PGM5: variants seen among roughly 807,000 people sequenced by gnomAD.
PGM5 encodes the protein phosphoglucomutase-like protein 5.
Under a neutral mutation model 59.2 loss-of-function variants are expected in PGM5, and 23 were observed. The ratio of observed to expected loss-of-function variants is 0.39; its 90% CI spans 0.28 to 0.55. The LOEUF (loss-of-function observed/expected upper bound fraction) is 0.55. Ranked by LOEUF, PGM5 falls within the 20% of genes least tolerant of loss-of-function variation. The pLI, the probability that PGM5 is intolerant of heterozygous loss-of-function variation, is 0.66. For synonymous variants in PGM5, 214 were observed against 286.0 expected, an observed-to-expected ratio of 0.75 and a Z score of 2.54; for missense variants, 574 against 748.3, an observed-to-expected ratio of 0.77 and a Z score of 2.72.
intron 7 of PGM5, among the ~76,000 whole-genome samples, chr9:68,478,787 A>G: frequency 6.6e-6 from 1 of 152,094 alleles, no homozygotes. Flanking sequence ...AGATAATCTC[A>G]CCTCAAGATT....
intron 7 of PGM5, among the ~76,000 whole-genome samples, chr9:68,470,620 C>A (rs1435877848): frequency 3.9e-5 from 6 of 152,180 alleles, no homozygotes; most frequent in Non-Finnish European, 7.3e-5. Flanking sequence ...TGGTTATTCC[C>A]TCTACATTTG....
chr9:68,480,559 G>C lies in PGM5; in HGVS notation c.1295+1006G>C, dbSNP rs192454473. On this transcript the variant is annotated intron_variant, in intron 8 of 10. Transcript: ENST00000396396. ...GTCTCTACTAAAAATACAAAAATTA[G>C]CTGGGTTTGGTGGTGCACACCTGTA... Among the ~76,000 whole-genome samples the C allele has an allele frequency of 2.6e-5, 4 of 152,184 alleles. No individual in the cohort carries two copies. The East Asian group carries it at 7.7e-4, about 29-fold the overall frequency.
At chr9:68,422,086 T>C (rs1348281488) in intron 6 of PGM5, among the ~76,000 whole-genome samples, 1 of 151,968 alleles carries the variant, frequency 6.6e-6, no homozygotes, top group Admixed American at 6.6e-5. Context: ...AAATAAATAA[T>C]TTTTAAATGT....
intron 6 of PGM5, among the ~76,000 whole-genome samples, chr9:68,424,489 G>A (rs1309968427): frequency 6.6e-6 from 1 of 151,980 alleles, no homozygotes; most frequent in Non-Finnish European, 1.5e-5. Context: ...TCTGCCCTTG[G>A]GATCTAATCA....
intron 7 of PGM5, among the ~76,000 whole-genome samples, chr9:68,466,940 A>G (rs1003187341): frequency 5.9e-5 from 9 of 152,202 alleles, no homozygotes; most frequent in African/African-American, 2.2e-4. Flanking sequence ...CAGAGGCAGA[A>G]GAGTTTTTAC....
chr9:68,511,086 C>T (rs924404509), intron 10 of PGM5, among the ~76,000 whole-genome samples: 3 of 152,310 alleles, frequency 2.0e-5, no homozygotes, highest in African/African-American at 7.2e-5. Flanking sequence ...GTCAGACTCT[C>T]CAGAGAAGAT....
intron 6 of PGM5, among the ~76,000 whole-genome samples, chr9:68,422,436 T>C (rs1049678884): frequency 3.3e-5 from 5 of 151,368 alleles, no homozygotes; most frequent in African/African-American, 1.2e-4. Context: ...TGGTTTTTTG[T>C]TTTGTTTTGT....
At chr9:68,425,078 T>C (rs1554682607) in intron 6 of PGM5, among the ~76,000 whole-genome samples, 4 of 152,356 alleles carry the variant, frequency 2.6e-5, no homozygotes, top group Middle Eastern at 6.8e-3. Flanking sequence ...ATAATTATAA[T>C]GGGAGATCAT....
Position 68,529,707 on chromosome 9 carries a change from G to A in PGM5, c.*51G>A, listed in dbSNP as rs1481872734. 4.4e-6 allele frequency: 5 copies of A among 1,134,464 alleles called. 1 individual carries two copies. In the East Asian group the frequency reaches 1.3e-4, roughly 30 times the overall value. The allele number at this position is 1,134,464 out of a possible 1,614,324, so 70.3% of individuals were successfully genotyped here. A position where few individuals can be genotyped will look rare whatever the true frequency, so the allele number is the denominator to read the frequency against. ...CCAAAGAGAGTGCTCAGCGGGAGAT[G>A]CTTCACTGATGCCTTCTTGCTACCT... On this transcript the variant is annotated 3_prime_UTR_variant, in exon 11 of 11. Transcript: ENST00000396396.
intron 6 of PGM5, among the ~76,000 whole-genome samples, chr9:68,440,377 A>G (rs950198520): frequency 5.3e-5 from 8 of 152,214 alleles, no homozygotes; most frequent in African/African-American, 1.2e-4. Flanking sequence ...GAAACCATGC[A>G]AAGTATGTTC....
intron 10 of PGM5, among the ~76,000 whole-genome samples, chr9:68,522,304 C>A (rs781356652): frequency 2.0e-5 from 3 of 152,034 alleles, no homozygotes; most frequent in Non-Finnish European, 4.4e-5. Context: ...ACGCAAGCTC[C>A]GGATGGTGGG....
At chr9:68,524,949 A>T (rs1824949918) in intron 10 of PGM5, among the ~76,000 whole-genome samples, 1 of 152,196 alleles carries the variant, frequency 6.6e-6, no homozygotes, top group South Asian at 2.1e-4. Context: ...AAATGACACC[A>T]ATCCACATTC....
intron 1 of PGM5, among the ~76,000 whole-genome samples, chr9:68,363,904 C>A (rs1170138415): frequency 6.6e-6 from 1 of 151,920 alleles, no homozygotes; most frequent in African/African-American, 2.4e-5. Flanking sequence ...ACATCGATAG[C>A]ACTGGGAAAT....
intron 6 of PGM5, among the ~76,000 whole-genome samples, chr9:68,458,389 T>A (rs1426546163): frequency 6.6e-6 from 1 of 152,126 alleles, no homozygotes; most frequent in Non-Finnish European, 1.5e-5. Flanking sequence ...GGGGTTGGGG[T>A]CCACCTTTAT....
At chr9:68,369,674 C>T (rs1430508076) in intron 1 of PGM5, among the ~76,000 whole-genome samples, 3 of 152,118 alleles carry the variant, frequency 2.0e-5, no homozygotes, top group Non-Finnish European at 4.4e-5. Flanking sequence ...CTTCTAGATG[C>T]CTGTGACTTT....
At chr9:68,369,343 C>G (rs1834741596) in intron 1 of PGM5, among the ~76,000 whole-genome samples, 1 of 152,190 alleles carries the variant, frequency 6.6e-6, no homozygotes, top group African/African-American at 2.4e-5. Context: ...AAAATCTCAG[C>G]TTACCTCAGG....
Position 68,465,151 on chromosome 9 carries a change from T to C in PGM5, c.1102T>C (p.Ser368Pro). The change falls in exon 7 of 11, where the codon TCA (serine) becomes CCA (proline). Residue 368 changes from serine to proline, a missense_variant. Ser to Pro is a moderately conservative substitution (Grantham distance 74, BLOSUM62 -1). Coordinates refer to ENST00000396396, the MANE Select transcript of PGM5 (RefSeq NM_021965.4). ...YETPAGWRFF[S>P]NLMDSGRCNL... ...GACCCCAGCTGGATGGAGATTCTTCTCAAATCTGATGGACTCAGGACGTTG... is the reference window on the plus strand; with the variant it reads ...GACCCCAGCTGGATGGAGATTCTTCCCAAATCTGATGGACTCAGGACGTTG... 1 of 1,613,572 alleles carries C rather than the reference T, an allele frequency of 6.2e-7. No homozygotes were observed. The highest frequency in any genetic ancestry group is 8.5e-7 in the Non-Finnish European group (1 of 1,179,544).
At chr9:68,446,789 C>G (rs1294697706) in intron 6 of PGM5, among the ~76,000 whole-genome samples, 2 of 152,204 alleles carry the variant, frequency 1.3e-5, no homozygotes, top group African/African-American at 2.4e-5. Flanking sequence ...CTCAACTCAT[C>G]AAGTGTGTGT....
chr9:68,393,917 A>T (rs1822429629), intron 6 of PGM5: 2 of 152,192 alleles, frequency 1.3e-5, no homozygotes, highest in Admixed American at 6.5e-5. Context: ...ATATATTTGT[A>T]TACTACACAA....
Sources: gnomAD v4.1 joint callset for allele counts (sites outside exome capture counted in the v4.1 genomes callset) on GRCh38, gnomAD v4.1.1 for gene constraint, MANE v1.5 for transcripts, NCBI Gene and HGNC (gene_info 2026-07-23, HGNC 2026-07-21) for gene names.